The following ASPRV1 variants were observed in gnomAD, a reference collection of about 807,000 sequenced individuals.
The protein encoded by ASPRV1 is aspartic peptidase retroviral like 1, also known as retroviral-like aspartic protease 1.
ASPRV1 carries 7 observed loss-of-function variants against 11.0 expected under a neutral mutation model. The observed-to-expected ratio is 0.64, with a 90% CI of 0.36 to 1.20. The LOEUF (loss-of-function observed/expected upper bound fraction) is 1.20. ASPRV1 is among the 50% of genes most tolerant of loss of function. The pLI is 0.02. For synonymous variants in ASPRV1, 136 were observed against 138.4 expected (o/e 0.98, Z 0.12); for missense variants, 299 against 320.0 (o/e 0.93, Z 0.50).
chr2:70,023,656 G>A, the ASPRV1 span, among the ~76,000 whole-genome samples: 5 of 147,908 alleles, frequency 3.4e-5, no homozygotes, highest in East Asian at 5.9e-4. Flanking sequence ...CCTGGGCAAC[G>A]GAGCAAGACT....
chr2:69,988,563 T>A, the ASPRV1 span: 1 of 332,072 alleles, frequency 3.0e-6, no homozygotes, highest in Non-Finnish European at 6.0e-6. Flanking sequence ...GGGTAGAGAG[T>A]TTCAGTGTGG....
In ASPRV1 at chr2:69,961,059, C is replaced by T. The variant is rs765384025; in HGVS notation, c.378G>A (p.Leu126=). Residue 126 remains leucine (L), a synonymous_variant, in exon 1 of 1, where the codon CTG becomes CTA. Transcript: ENST00000320256. ...GKIGKVPVRF[L]VDSGAQVSVV... The stretch of plus-strand genomic sequence containing the variant: ...CAGAGACCTGGGCCCCAGAGTCCAC[C>T]AGGAACCTCACGGGCACTTTGCCAA... The T allele has an allele frequency of 2.5e-6, 4 of 1,613,836 alleles. No homozygotes were observed. The South Asian group carries it at 4.4e-5, about 18-fold the overall frequency.
At chr2:69,947,647 T>A in the ASPRV1 span, among the ~76,000 whole-genome samples, 1 of 152,056 alleles carries the variant, frequency 6.6e-6, no homozygotes, top group African/African-American at 2.4e-5. Context: ...GGAATCACAG[T>A]GTAAAATAAA....
chr2:70,006,472 G>A, the ASPRV1 span, among the ~76,000 whole-genome samples: 1 of 152,172 alleles, frequency 6.6e-6, no homozygotes, highest in African/African-American at 2.4e-5. Context: ...CTAGCTGGGA[G>A]GTACCTTCAA....
the ASPRV1 span, among the ~76,000 whole-genome samples, chr2:70,034,243 G>A: frequency 4.6e-5 from 7 of 150,586 alleles, no homozygotes; most frequent in African/African-American, 1.2e-4. Context: ...TTTTTGAGAC[G>A]GAGTTTCGCT....
At chr2:70,009,935 C>T in the ASPRV1 span, among the ~76,000 whole-genome samples, 5 of 152,158 alleles carry the variant, frequency 3.3e-5, no homozygotes, top group Non-Finnish European at 7.3e-5. Flanking sequence ...GGACCAGCAG[C>T]CCCACAGCAC....
chr2:69,937,392 G>A, the ASPRV1 span: 1 of 1,602,246 alleles, frequency 6.2e-7, no homozygotes, highest in South Asian at 1.1e-5. Context: ...GACTCCGACA[G>A]GGGTGAGCCT....
the ASPRV1 span, among the ~76,000 whole-genome samples, chr2:70,020,709 T>G: frequency 2.3e-4 from 35 of 152,046 alleles, no homozygotes; most frequent in Admixed American, 3.9e-4. Flanking sequence ...GCCATTGCAC[T>G]CCAGCCTGGG....
chr2:69,951,600 T>C, the ASPRV1 span, among the ~76,000 whole-genome samples: 6 of 150,878 alleles, frequency 4.0e-5, no homozygotes, highest in African/African-American at 1.5e-4. Context: ...TAGATAGATA[T>C]GATATGTAGC....
the ASPRV1 span, among the ~76,000 whole-genome samples, chr2:70,028,101 A>T: frequency 6.6e-6 from 1 of 152,128 alleles, no homozygotes; most frequent in African/African-American, 2.4e-5. Flanking sequence ...TAAAACCCAT[A>T]ATTAGAACTC....
chr2:69,961,027 T>G lies in ASPRV1; in HGVS notation c.410A>C (p.His137Pro), dbSNP rs368339100. The G allele has an allele frequency of 6.2e-7, 1 of 1,613,802 alleles. No homozygotes were observed. The highest frequency in any genetic ancestry group is 8.5e-7 in the Non-Finnish European group (1 of 1,179,960). ...VDSGAQVSVV[H>P]PNLWEEVTDG... ...AGTGACCTCCTCCCACAAGTTTGGG[T>G]GGACCACAGAGACCTGGGCCCCAGA... Residue 137 changes from histidine to proline, a missense_variant, in exon 1 of 1, where the codon CAC (histidine) becomes CCC (proline). His to Pro is a moderately conservative substitution (Grantham distance 77). Coordinates refer to ENST00000320256, the MANE Select transcript of ASPRV1 (RefSeq NM_152792.4).
At chr2:70,004,412 C>T in the ASPRV1 span, among the ~76,000 whole-genome samples, 1 of 151,740 alleles carries the variant, frequency 6.6e-6, no homozygotes, top group Non-Finnish European at 1.5e-5. Context: ...CACCTGTAGT[C>T]CCAGCTACTC....
the ASPRV1 span, among the ~76,000 whole-genome samples, chr2:69,980,694 G>C: frequency 6.6e-6 from 1 of 152,222 alleles, no homozygotes; most frequent in Non-Finnish European, 1.5e-5. Context: ...AGGAACGTTA[G>C]AGGAAGCTGG....
downstream of ASPRV1, among the ~76,000 whole-genome samples, chr2:69,955,701 T>C (rs570973461): frequency 2.0e-5 from 3 of 152,308 alleles, no homozygotes; most frequent in East Asian, 5.8e-4. Context: ...GTGTGTGATG[T>C]GCCACCTCGC....
At chr2:70,033,936 C>T in the ASPRV1 span, among the ~76,000 whole-genome samples, 5 of 150,450 alleles carry the variant, frequency 3.3e-5, no homozygotes, top group Non-Finnish European at 5.9e-5. Flanking sequence ...GGGCAGATCA[C>T]GAGGTCAGGA....
chr2:69,981,226 A>G, the ASPRV1 span, among the ~76,000 whole-genome samples: 1 of 152,268 alleles, frequency 6.6e-6, no homozygotes, highest in South Asian at 2.1e-4. Flanking sequence ...ATTACAAAAA[A>G]GTATGAAAAT....
chr2:69,978,975 T>C, the ASPRV1 span, among the ~76,000 whole-genome samples: 36 of 152,274 alleles, frequency 2.4e-4, no homozygotes, highest in Admixed American at 2.2e-3. Context: ...CTCCTCCCAT[T>C]CCAAGAAGGT....
chr2:70,059,189 C>A, the ASPRV1 span, among the ~76,000 whole-genome samples: 2 of 151,934 alleles, frequency 1.3e-5, no homozygotes, highest in South Asian at 2.1e-4. Flanking sequence ...CCGTGCCTGG[C>A]CCACCAACTA....
the ASPRV1 span, among the ~76,000 whole-genome samples, chr2:70,039,842 T>TA: frequency 2.0e-5 from 3 of 152,216 alleles, no homozygotes; most frequent in African/African-American, 7.2e-5. Flanking sequence ...AACCACATCC[T>TA]AAACATCTTA....
Sources: gnomAD v4.1 joint callset for allele counts (sites outside exome capture counted in the v4.1 genomes callset) on GRCh38, gnomAD v4.1.1 for gene constraint, MANE v1.5 for transcripts, NCBI Gene and HGNC (gene_info 2026-07-23, HGNC 2026-07-21) for gene names.